EPHA6: variants seen among roughly 807,000 people sequenced by gnomAD.
EPHA6 encodes EPH receptor A6.
In EPHA6, 50 loss-of-function variants were observed where a neutral mutation model predicts 112.0. That is an observed-to-expected ratio of 0.45 (90% CI 0.36 to 0.56). EPHA6 has a LOEUF of 0.56. EPHA6 is among the 20% of genes least tolerant of loss of function. The pLI, the probability that EPHA6 is intolerant of heterozygous loss-of-function variation, is 0.00. For synonymous variants in EPHA6, 529 were observed against 490.7 expected (o/e 1.08, Z -1.03); for missense variants, 1,280 against 1,417.4 (o/e 0.90, Z 1.56).
At chr3:97,146,244 A>C (rs78515481) in intron 3 of EPHA6, among the ~76,000 whole-genome samples, 2,032 of 151,838 alleles carry the variant, frequency 0.013, 40 homozygotes, top group African/African-American at 0.044. Context: ...ATTTTATTCT[A>C]TCCTTCCTTG....
At chr3:96,889,330 A>G (rs1055437716) in intron 2 of EPHA6, among the ~76,000 whole-genome samples, 1 of 152,072 alleles carries the variant, frequency 6.6e-6, no homozygotes, top group Non-Finnish European at 1.5e-5. Context: ...ACAGGTATCA[A>G]TTTACTGTAT....
intron 14 of EPHA6, among the ~76,000 whole-genome samples, chr3:97,662,625 T>C (rs1361750999): frequency 6.6e-6 from 1 of 152,168 alleles, no homozygotes; most frequent in East Asian, 1.9e-4. Context: ...GTGGGAGACT[T>C]GAACTATTTC....
chr3:97,237,105 A>G lies in EPHA6; in HGVS notation c.1271-6847A>G, dbSNP rs564614040. Among the ~76,000 whole-genome samples the G allele has an allele frequency of 2.2e-3, 336 of 152,098 alleles. 1 individual carries two copies. Among genetic ancestry groups the G allele is most frequent in the Non-Finnish European group, 4.1e-3 (276 of 67,946 alleles). On this transcript the variant is annotated intron_variant, in intron 4 of 17. Transcript: ENST00000389672. The stretch of plus-strand genomic sequence containing the variant: ...TGATTGTTTAGGTGACTCATTGTAC[A>G]GACAATGCAGCATTCACGATTTTGC...
intron 3 of EPHA6, among the ~76,000 whole-genome samples, chr3:97,058,916 A>G (rs9877403): frequency 0.28 from 42,007 of 152,068 alleles, 6,223 homozygotes; most frequent in Admixed American, 0.39. Flanking sequence ...CCTGGAGGGA[A>G]AATGTCTTTC....
intron 3 of EPHA6, among the ~76,000 whole-genome samples, chr3:97,035,709 G>A (rs368773402): frequency 3.3e-5 from 5 of 151,754 alleles, no homozygotes; most frequent in Admixed American, 2.6e-4. Flanking sequence ...GGAGATCTCT[G>A]CTTCTTGAGT....
At chr3:97,116,997 C>T (rs1395797559) in intron 3 of EPHA6, among the ~76,000 whole-genome samples, 7 of 151,656 alleles carry the variant, frequency 4.6e-5, no homozygotes, top group Middle Eastern at 6.8e-3. Flanking sequence ...CAACACTTAT[C>T]GTTTGTCTTT....
chr3:97,513,388 A>G (rs559886026), intron 10 of EPHA6, among the ~76,000 whole-genome samples: 28 of 152,360 alleles, frequency 1.8e-4, no homozygotes, highest in African/African-American at 6.5e-4. Context: ...TTTATTCACT[A>G]TTCACAACAA....
intron 11 of EPHA6, among the ~76,000 whole-genome samples, chr3:97,542,016 C>T (rs998525669): frequency 5.3e-5 from 8 of 151,186 alleles, no homozygotes; most frequent in African/African-American, 1.7e-4. Context: ...GTCCGATGTT[C>T]GAGGGCAGGA....
At chr3:97,056,898 G>A (rs1044997298) in intron 3 of EPHA6, among the ~76,000 whole-genome samples, 2 of 152,052 alleles carry the variant, frequency 1.3e-5, no homozygotes, top group East Asian at 3.9e-4. Flanking sequence ...CTATTATTTT[G>A]ACTGCTACTG....
intron 3 of EPHA6, chr3:97,010,275 A>G (rs770948300): frequency 2.9e-5 from 11 of 374,030 alleles, no homozygotes; most frequent in Non-Finnish European, 5.3e-5. Context: ...GGCAGACCAT[A>G]GCCTGATTGC....
intron 5 of EPHA6, among the ~76,000 whole-genome samples, chr3:97,269,127 T>C (rs1437276782): frequency 6.6e-6 from 1 of 152,194 alleles, no homozygotes; most frequent in Non-Finnish European, 1.5e-5. Context: ...CCTATTTTCA[T>C]CAGTTGTTCC....
intron 5 of EPHA6, among the ~76,000 whole-genome samples, chr3:97,368,923 C>A (rs17700761): frequency 0.054 from 8,138 of 152,036 alleles, 269 homozygotes; most frequent in Admixed American, 0.072. Context: ...AGGAAAATAA[C>A]CTGGTTGCTA....
At chr3:97,324,251 C>G (rs2082257219) in intron 5 of EPHA6, among the ~76,000 whole-genome samples, 1 of 151,986 alleles carries the variant, frequency 6.6e-6, no homozygotes, top group Admixed American at 6.6e-5. Context: ...CTAAGACTCT[C>G]TTGAACCTCT....
intron 4 of EPHA6, among the ~76,000 whole-genome samples, chr3:97,239,211 T>C (rs952750995): frequency 3.3e-5 from 5 of 151,974 alleles, no homozygotes; most frequent in African/African-American, 1.2e-4. Flanking sequence ...CTCTTCTGTA[T>C]ATAAAATTAT....
chr3:97,737,328 G>T (rs1245980052), intron 16 of EPHA6, among the ~76,000 whole-genome samples: 1 of 152,036 alleles, frequency 6.6e-6, no homozygotes, highest in East Asian at 1.9e-4. Flanking sequence ...AACAAGACTG[G>T]AAACAGAGAC....
chr3:97,384,509 T>C (rs187703962), intron 5 of EPHA6, among the ~76,000 whole-genome samples: 101 of 152,318 alleles, frequency 6.6e-4, no homozygotes, highest in African/African-American at 2.3e-3. Context: ...GTTACTAACA[T>C]ATTTCAATGG....
At chr3:97,699,517 G>T (rs1262901085) in intron 14 of EPHA6, among the ~76,000 whole-genome samples, 1 of 152,122 alleles carries the variant, frequency 6.6e-6, no homozygotes, top group Non-Finnish European at 1.5e-5. Flanking sequence ...AAACCTCAGA[G>T]CCCATAAGTT....
chr3:97,089,502 A>G (rs1024597911), intron 3 of EPHA6, among the ~76,000 whole-genome samples: 2 of 152,050 alleles, frequency 1.3e-5, no homozygotes, highest in African/African-American at 4.8e-5. Context: ...ATTAATGCAA[A>G]TTATCTTTCC....
At chr3:96,882,365 G>A (rs1026283466) in intron 2 of EPHA6, among the ~76,000 whole-genome samples, 11 of 152,164 alleles carry the variant, frequency 7.2e-5, no homozygotes, top group South Asian at 2.1e-4. Flanking sequence ...TTATTTTTCC[G>A]TAAGTTATTG....
Sources: gnomAD v4.1 joint callset for allele counts (sites outside exome capture counted in the v4.1 genomes callset) on GRCh38, gnomAD v4.1.1 for gene constraint, MANE v1.5 for transcripts, NCBI Gene and HGNC (gene_info 2026-07-23, HGNC 2026-07-21) for gene names.